The following DNAH3 variants were observed in gnomAD, a reference collection of about 807,000 sequenced individuals.
DNAH3 encodes dynein axonemal heavy chain 3.
In DNAH3, 332 loss-of-function variants were observed where a neutral mutation model predicts 432.5. The ratio of observed to expected loss-of-function variants is 0.77; its 90% CI spans 0.70 to 0.84. The LOEUF is 0.84. Ranked by LOEUF, DNAH3 falls within the 40% of genes least tolerant of loss-of-function variation. The pLI, the probability that DNAH3 is intolerant of heterozygous loss-of-function variation, is 0.00. For synonymous variants in DNAH3, 1,956 were observed against 1,900.2 expected (o/e 1.03, Z -0.76); for missense variants, 4,861 against 5,114.0 (o/e 0.95, Z 1.51).
At chr16:21,117,985 T>TTTTTG (rs970459254) in intron 11 of DNAH3, among the ~76,000 whole-genome samples, 2 of 152,066 alleles carry the variant, frequency 1.3e-5, no homozygotes, top group Admixed American at 6.6e-5. Context: ...CGTGGGTTTT[T>TTTTTG]TTTTGTTTTG....
At chr16:20,973,327 A>G (rs1176165804) in intron 51 of DNAH3, among the ~76,000 whole-genome samples, 1 of 151,882 alleles carries the variant, frequency 6.6e-6, no homozygotes, top group Non-Finnish European at 1.5e-5. Context: ...ATCTCAACGC[A>G]CTGTAACCTC....
chr16:21,106,781 GA>G lies in DNAH3; in HGVS notation c.2100-108del, dbSNP rs1299589853. 1.1e-4 allele frequency: 106 copies of G among 961,804 alleles called. 1 individual carries two copies. The highest frequency in any genetic ancestry group is 4.4e-4 in the South Asian group (11 of 24,814). 59.6% of individuals were successfully genotyped at this position (961,804 alleles called of 1,614,324 possible). On this transcript the variant is annotated intron_variant, in intron 14 of 61. Transcript: ENST00000261383. ...TGTTCAAAATACATAATTCCTATTTGAAAAAAAAAGAAAATTTTTTTTTAAT... is the reference window on the plus strand; with the variant it reads ...TGTTCAAAATACATAATTCCTATTTGAAAAAAAAGAAAATTTTTTTTTAAT...
At chr16:20,984,365 G>A (rs1238636047) in intron 48 of DNAH3, among the ~76,000 whole-genome samples, 1 of 152,158 alleles carries the variant, frequency 6.6e-6, no homozygotes, top group Non-Finnish European at 1.5e-5. Flanking sequence ...CTTAGCCAAT[G>A]TGAAGGTGAT....
chr16:20,981,702 G>A (rs914457456), intron 49 of DNAH3, among the ~76,000 whole-genome samples: 1 of 151,932 alleles, frequency 6.6e-6, no homozygotes, highest in Non-Finnish European at 1.5e-5. Flanking sequence ...TCCAACCTGG[G>A]CGACAGAGTG....
chr16:21,124,688 C>A (rs2092411204), intron 9 of DNAH3, among the ~76,000 whole-genome samples: 1 of 151,084 alleles, frequency 6.6e-6, no homozygotes, highest in Admixed American at 6.6e-5. Context: ...TCACTCTTGT[C>A]GCCCAGGCTG....
At chr16:20,952,891 C>T (rs1351587432) in intron 55 of DNAH3, among the ~76,000 whole-genome samples, 1 of 152,198 alleles carries the variant, frequency 6.6e-6, no homozygotes, top group East Asian at 1.9e-4. Context: ...CATGGCTAGA[C>T]AGCAGGAGCT....
intron 50 of DNAH3, among the ~76,000 whole-genome samples, chr16:20,978,525 T>G (rs1413746484): frequency 6.6e-6 from 1 of 152,046 alleles, no homozygotes; most frequent in African/African-American, 2.4e-5. Flanking sequence ...AGATTGCGTC[T>G]CGAAAGAAAT....
intron 41 of DNAH3, among the ~76,000 whole-genome samples, chr16:21,011,800 G>C (rs1485751100): frequency 6.6e-6 from 1 of 152,152 alleles, no homozygotes; most frequent in Non-Finnish European, 1.5e-5. Flanking sequence ...GAAAAGACAA[G>C]ATGAGATAAA....
At chr16:21,152,884 C>T (rs1462841038) in intron 1 of DNAH3, among the ~76,000 whole-genome samples, 1 of 152,260 alleles carries the variant, frequency 6.6e-6, no homozygotes, top group African/African-American at 2.4e-5. Flanking sequence ...CTCCCACCCC[C>T]TCCGTGGGCT....
rs1477564260 is a variant in DNAH3 at position 21,040,363 on chromosome 16, T to C, written c.4639-420A>G. 3.6e-4 allele frequency among the ~76,000 whole-genome samples: 48 copies of C among 134,744 alleles called. 3 individuals are homozygous for C. Among genetic ancestry groups the C allele is most frequent in the African/African-American group, 8.9e-4 (30 of 33,686 alleles). 88.4% of individuals were successfully genotyped at this position (134,744 alleles called of 152,430 possible). A position where few individuals can be genotyped will look rare whatever the true frequency, so the allele number is the denominator to read the frequency against. On this transcript the variant is annotated intron_variant, in intron 32 of 61. Transcript: ENST00000261383. ...AGAATCCCAAAGCCAGACAGATTTT[T>C]TTTTTTTTTTTTTTTTTTTTTTTAA...
Position 21,042,259 on chromosome 16 carries a change from T to G in DNAH3, c.4462-56A>C, listed in dbSNP as rs2089477390. 18 of 1,518,656 alleles carry G rather than the reference T, an allele frequency of 1.2e-5. 1 individual carries two copies. The South Asian group carries it at 2.2e-4, about 19-fold the overall frequency. 94.1% of individuals were successfully genotyped at this position (1,518,656 alleles called of 1,614,324 possible). A position where few individuals can be genotyped will look rare whatever the true frequency, so the allele number is the denominator to read the frequency against. On this transcript the variant is annotated intron_variant, in intron 31 of 61. Transcript: ENST00000261383. The stretch of plus-strand genomic sequence containing the variant: ...ATCTGCTTCTGTCTGACAACCACCC[T>G]ACTCTACCGGAGTCCTCCCACATAG...
At chr16:21,144,168 TC>T (rs1169553517) in intron 3 of DNAH3, among the ~76,000 whole-genome samples, 1 of 152,116 alleles carries the variant, frequency 6.6e-6, no homozygotes, top group Non-Finnish European at 1.5e-5. Flanking sequence ...CCCCCAATGA[TC>T]CCCATCTCCT....
chr16:20,938,173 C>T (rs946687819), intron 59 of DNAH3, among the ~76,000 whole-genome samples: 5 of 152,102 alleles, frequency 3.3e-5, no homozygotes. Context: ...GGGTGGATCA[C>T]TTGAGGTCAG....
intron 16 of DNAH3, among the ~76,000 whole-genome samples, chr16:21,102,678 C>T (rs1597380205): frequency 1.3e-5 from 2 of 152,164 alleles, no homozygotes; most frequent in East Asian, 1.9e-4. Context: ...ATATAACAAA[C>T]CTGCACATGT....
At chr16:20,953,069 G>A (rs1405821055) in intron 55 of DNAH3, among the ~76,000 whole-genome samples, 1 of 152,154 alleles carries the variant, frequency 6.6e-6, no homozygotes, top group East Asian at 1.9e-4. Flanking sequence ...ACCAGGCATG[G>A]TGCAGGATAC....
At chr16:20,933,313 G>C (rs781478795) in exon 62 of DNAH3, 25 of 1,614,206 alleles carry the variant, frequency 1.5e-5, no homozygotes, top group Non-Finnish European at 2.0e-5. Flanking sequence ...GACACACATA[G>C]ATGTCCTGAT....
intron 3 of DNAH3, among the ~76,000 whole-genome samples, chr16:21,143,279 G>A (rs573390688): frequency 6.6e-6 from 1 of 152,192 alleles, no homozygotes; most frequent in South Asian, 2.1e-4. Context: ...GATGGTATTT[G>A]GAGGTGGGAC....
chr16:21,038,192 G>T (rs1239869417), intron 33 of DNAH3, among the ~76,000 whole-genome samples: 1 of 152,162 alleles, frequency 6.6e-6, no homozygotes, highest in East Asian at 1.9e-4. Context: ...TGTATAACAT[G>T]TATGGTATAT....
chr16:20,933,428 C>T lies in DNAH3; in HGVS notation c.12077G>A (p.Arg4026His), dbSNP rs544334061. The T allele has an allele frequency of 8.5e-5, 138 of 1,614,064 alleles. No individual in the cohort carries two copies. The South Asian group carries it at 1.4e-3, about 17-fold the overall frequency. The change falls in exon 62 of 62, where the codon CGT becomes CAT. Residue 4026 changes from arginine to histidine, a missense_variant. Transcript: ENST00000261383. ...AATCTGCATCGTTTTCCTGTCCCAA[C>T]GGGCACCTTCTAAGAAGAGCCCTTT...
Sources: gnomAD v4.1 joint callset for allele counts (sites outside exome capture counted in the v4.1 genomes callset) on GRCh38, gnomAD v4.1.1 for gene constraint, MANE v1.5 for transcripts, NCBI Gene and HGNC (gene_info 2026-07-23, HGNC 2026-07-21) for gene names.